Variants in MEP1B observed in about 807,000 individuals in gnomAD.
MEP1B encodes the protein N-benzoyl-L-tyrosyl-P-amino-benzoic acid hydrolase subunit beta.
A neutral mutation model predicts 84.6 loss-of-function variants in MEP1B; 80 were observed. That is an observed-to-expected ratio of 0.95 (90% CI 0.79 to 1.14). The LOEUF is 1.14. Among genes scored for constraint, MEP1B ranks in the 50% most tolerant of loss-of-function variants. The pLI is 0.00. For missense variants in MEP1B, 766 were observed against 855.1 expected, an observed-to-expected ratio of 0.90 and a Z score of 1.30; for synonymous variants, 273 against 288.1, an observed-to-expected ratio of 0.95 and a Z score of 0.53.
chr18:32,200,105 G>T (rs1380062066), intron 5 of MEP1B, among the ~76,000 whole-genome samples: 1 of 151,732 alleles, frequency 6.6e-6, no homozygotes, highest in Non-Finnish European at 1.5e-5. Context: ...TGAATGCCTT[G>T]AGGATAAGAG....
In MEP1B at chr18:32,215,184, C is replaced by T; in HGVS notation, c.1682C>T (p.Ala561Val). The T allele has an allele frequency of 6.2e-7, 1 of 1,612,014 alleles. No homozygotes were observed. Residue 561 changes from alanine (A) to valine (V), a missense_variant, in exon 12 of 15, where the codon GCC becomes GTC. Coordinates refer to ENST00000269202, the MANE Select transcript of MEP1B (RefSeq NM_005925.3). Reference protein sequence around the residue: ...FRRGGGYGTSAFITHERLKSR... With the variant: ...FRRGGGYGTSVFITHERLKSR... ...AGAGGTGGGGGCTATGGAACCAGTG[C>T]CTTTATAACCCACGAAAGGCTGAAA...
intron 5 of MEP1B, chr18:32,197,113 C>A (rs2040863612): frequency 6.4e-6 from 1 of 156,236 alleles, no homozygotes; most frequent in South Asian, 2.0e-4. Flanking sequence ...TAAACAACAA[C>A]CTAACATGAT....
intron 6 of MEP1B, among the ~76,000 whole-genome samples, chr18:32,203,539 T>G (rs2040933619): frequency 1.3e-5 from 2 of 152,184 alleles, no homozygotes; most frequent in South Asian, 4.1e-4. Flanking sequence ...GACGATTTGC[T>G]CCTATGTAAT....
intron 10 of MEP1B, among the ~76,000 whole-genome samples, chr18:32,211,030 G>C (rs971116723): frequency 6.6e-6 from 1 of 152,138 alleles, no homozygotes; most frequent in Non-Finnish European, 1.5e-5. Context: ...TTGGGAGGCC[G>C]AGGCGGTCGG....
intron 1 of MEP1B, among the ~76,000 whole-genome samples, chr18:32,191,500 C>T (rs1165428134): frequency 2.0e-5 from 3 of 151,848 alleles, no homozygotes; most frequent in East Asian, 1.9e-4. Flanking sequence ...TTTAGAAAAT[C>T]GTGTGTAAAG....
intron 5 of MEP1B, among the ~76,000 whole-genome samples, chr18:32,201,044 G>T (rs946901783): frequency 2.6e-5 from 4 of 152,058 alleles, no homozygotes; most frequent in African/African-American, 9.7e-5. Flanking sequence ...GGAAAACAAA[G>T]ATCTTATCTT....
intron 12 of MEP1B, among the ~76,000 whole-genome samples, chr18:32,215,969 C>CATATATATATATATAT (rs10522884): frequency 4.4e-5 from 6 of 134,946 alleles, no homozygotes; most frequent in Non-Finnish European, 9.7e-5. Context: ...TACATATATG[C>CATATATATATATATAT]ATATATATAT....
At position 32,196,906 on chromosome 18, in the gene MEP1B, C is replaced by A. The variant is rs2040861919; in HGVS notation, c.250+1421C>A. On this transcript the variant is annotated intron_variant, in intron 5 of 14. Coordinates refer to ENST00000269202, the MANE Select transcript of MEP1B (RefSeq NM_005925.3). This position sits in a 1 kb window ranked among gnomAD's most constrained non-coding sequence, Gnocchi z 4.4. ...AGGAGGCGCAGGCAGGCTCAGATCT[C>A]CACGTGCACTGCTCCCTACACTTGG... The A allele has an allele frequency of 9.4e-6, 4 of 426,088 alleles. No homozygotes were observed. The highest frequency in any genetic ancestry group is 5.5e-5 in the East Asian group (1 of 18,304). The allele number at this position is 426,088 out of a possible 1,614,324, so 26.4% of individuals were successfully genotyped here. A position where few individuals can be genotyped will look rare whatever the true frequency, so the allele number is the denominator to read the frequency against.
Position 32,196,503 on chromosome 18 carries a change from G to A in MEP1B, c.250+1018G>A, listed in dbSNP as rs2040856354. 7.2e-6 allele frequency: 5 copies of A among 695,624 alleles called. No individual in the cohort carries two copies. Among genetic ancestry groups the A allele is most frequent in the African/African-American group, 1.7e-5 (1 of 57,228 alleles). 43.1% of individuals were successfully genotyped at this position (695,624 alleles called of 1,614,324 possible). A position where few individuals can be genotyped will look rare whatever the true frequency, so the allele number is the denominator to read the frequency against. Reference sequence around the variant, plus strand: ...AAACTCAGCTTTGCTCTCATAGACCGAGGTGATGAGGTGGTGGCCAAGGGC... The same window carrying A: ...AAACTCAGCTTTGCTCTCATAGACCAAGGTGATGAGGTGGTGGCCAAGGGC... On this transcript the variant is annotated intron_variant, in intron 5 of 14. Coordinates refer to ENST00000269202, the MANE Select transcript of MEP1B (RefSeq NM_005925.3). The surrounding 1 kb of genome is among the most constrained non-coding windows in gnomAD (Gnocchi z 4.4).
Position 32,220,350 on chromosome 18 carries a change from A to AT in MEP1B, c.*110dup. 2 of 1,059,842 alleles carry AT rather than the reference A, an allele frequency of 1.9e-6. No individual in the cohort carries two copies. Among genetic ancestry groups the AT allele is most frequent in the South Asian group, 1.4e-5 (1 of 69,914 alleles). 65.7% of individuals were successfully genotyped at this position (1,059,842 alleles called of 1,614,324 possible). A position where few individuals can be genotyped will look rare whatever the true frequency, so the allele number is the denominator to read the frequency against. ...CCACCTCATTCTTCTAAAAGTGGAT[A>AT]TTTTTCTGTAAATAGCTGGAAATAT... On this transcript the variant is annotated 3_prime_UTR_variant, in exon 15 of 15. Coordinates refer to ENST00000269202, the MANE Select transcript of MEP1B (RefSeq NM_005925.3).
At chr18:32,198,226 G>A (rs1324079504) in intron 5 of MEP1B, among the ~76,000 whole-genome samples, 2 of 152,190 alleles carry the variant, frequency 1.3e-5, no homozygotes, top group Non-Finnish European at 2.9e-5. Flanking sequence ...CCGTACAACT[G>A]ACATGACCTC....
At chr18:32,202,260 A>G (rs947720570) in intron 5 of MEP1B, among the ~76,000 whole-genome samples, 8 of 152,022 alleles carry the variant, frequency 5.3e-5, no homozygotes, top group Non-Finnish European at 1.5e-5. Flanking sequence ...CCTCCTGGTC[A>G]CTCACAAGTT....
chr18:32,206,913 A>G (rs2040971538), intron 7 of MEP1B, among the ~76,000 whole-genome samples: 1 of 151,984 alleles, frequency 6.6e-6, no homozygotes, highest in Non-Finnish European at 1.5e-5. Flanking sequence ...CCCGGCCTTA[A>G]AATATTTATT....
chr18:32,193,059 T>C (rs1598885591), intron 4 of MEP1B, among the ~76,000 whole-genome samples: 1 of 152,178 alleles, frequency 6.6e-6, no homozygotes, highest in African/African-American at 2.4e-5. Context: ...ATTACATATG[T>C]CTTAGTCTTA....
At chr18:32,192,596 C>A (rs201584205) in intron 2 of MEP1B, 50 bp from the exon 3 acceptor site, 1 of 1,564,548 alleles carries the variant, frequency 6.4e-7, no homozygotes, top group Non-Finnish European at 8.8e-7. Flanking sequence ...AGGTTTTCTC[C>A]TTTTATAAAC....
chr18:32,191,997 G>T (rs1034016433), intron 2 of MEP1B, among the ~76,000 whole-genome samples, 157 bp downstream of exon 2: 5 of 151,946 alleles, frequency 3.3e-5, no homozygotes, highest in Non-Finnish European at 5.9e-5. Context: ...ACATTTTATT[G>T]TCCATGTTCC....
At chr18:32,197,764 G>T (rs545813208) in intron 5 of MEP1B, among the ~76,000 whole-genome samples, 10 of 152,172 alleles carry the variant, frequency 6.6e-5, no homozygotes, top group African/African-American at 1.9e-4. Flanking sequence ...AGATTCAGTG[G>T]GTACGTGTGC....
rs1047848430 is a variant in MEP1B, at chr18:32,213,552, G to C, written c.1572G>C (p.Met524Ile). ...GGAGTATAACTACAGACCCATTTATGACCACCGGTTCGTAACTCATTTTCT... is the reference window on the plus strand; with the variant it reads ...GGAGTATAACTACAGACCCATTTATCACCACCGGTTCGTAACTCATTTTCT... ...NQRSITTDPF[M>I]TTDNGNYFWD... is the part of the protein sequence containing the mutation. Residue 524 changes from methionine (M) to isoleucine (I), a missense_variant, in exon 11 of 15, where the codon ATG (methionine) becomes ATC (isoleucine). By Grantham distance (10) the Met-to-Ile change is conservative (BLOSUM62 1). Coordinates refer to ENST00000269202, the MANE Select transcript of MEP1B (RefSeq NM_005925.3). 2.5e-6 allele frequency: 4 copies of C among 1,608,294 alleles called. No homozygotes were observed. In the African/African-American group the frequency reaches 5.3e-5, roughly 21 times the overall value.
chr18:32,195,083 T>C (rs984652642), intron 4 of MEP1B, among the ~76,000 whole-genome samples: 16 of 152,226 alleles, frequency 1.1e-4, no homozygotes, highest in African/African-American at 3.4e-4. Context: ...GCTATCACTG[T>C]TTTCTTGCAA....
Sources: allele counts gnomAD v4.1 joint callset (sites outside exome capture counted in the v4.1 genomes callset), GRCh38; gene constraint gnomAD v4.1.1; non-coding constraint Gnocchi (gnomAD v3.1); transcripts MANE v1.5; gene names NCBI Gene and HGNC (gene_info 2026-07-23, HGNC 2026-07-21).